Variants in OGG1 observed in about 807,000 individuals in gnomAD.
OGG1 encodes the protein N-glycosylase/DNA lyase.
In OGG1, 35 loss-of-function variants were observed where a neutral mutation model predicts 42.3. The ratio of observed to expected loss-of-function variants is 0.83; its 90% confidence interval spans 0.63 to 1.10. The LOEUF (loss-of-function observed/expected upper bound fraction) is 1.10. Ranked by LOEUF, OGG1 falls within the 50% of genes least tolerant of loss-of-function variation. The pLI, the probability that OGG1 is intolerant of heterozygous loss-of-function variation, is 0.00. For synonymous variants in OGG1, 189 were observed against 179.0 expected, an observed-to-expected ratio of 1.06 and a Z score of -0.44; for missense variants, 484 against 446.7, an observed-to-expected ratio of 1.08 and a Z score of -0.75.
chr3:9,762,536 C>T (rs934786076), intron 7 of OGG1, among the ~76,000 whole-genome samples: 9 of 152,186 alleles, frequency 5.9e-5, no homozygotes, highest in East Asian at 1.9e-4. Context: ...GCCACCACGC[C>T]GGGCTAATTT....
intron 3 of OGG1, among the ~76,000 whole-genome samples, chr3:9,782,955 C>T (rs1483632778): frequency 6.6e-6 from 1 of 152,202 alleles, no homozygotes; most frequent in African/African-American, 2.4e-5. Flanking sequence ...CTCAAGATGT[C>T]ACCTATACCC....
rs773322354 is a variant in OGG1, at chr3:9,784,021, C to T, written c.382+2421C>T. ...CCCCCGGGACTGTGCATCCTGCTAA[C>T]GCTCACCTCAGCAGGTCGTGCTTCT... is the stretch of plus-strand genomic sequence containing the variant. On this transcript the variant is annotated intron_variant, in intron 3 of 3. Transcript: ENST00000426518. The T allele has an allele frequency of 3.1e-6, 5 of 1,612,250 alleles. No homozygotes were observed. In the South Asian group the frequency reaches 4.4e-5, roughly 14 times the overall value.
intron 3 of OGG1, chr3:9,786,948 G>A: frequency 6.2e-6 from 9 of 1,458,312 alleles, no homozygotes; most frequent in Admixed American, 3.6e-5. Flanking sequence ...TAAAAAATAA[G>A]CATAACACAT....
downstream of OGG1, chr3:9,758,785 A>T (rs1050985729): frequency 2.4e-5 from 6 of 249,312 alleles, no homozygotes; most frequent in Non-Finnish European, 4.8e-5. Flanking sequence ...ACGCACCACC[A>T]TGTGTGGCTA....
chr3:9,752,022 C>CA, intron 3 of OGG1, 73 bp downstream of exon 3: 1 of 1,419,052 alleles, frequency 7.0e-7, no homozygotes, highest in Non-Finnish European at 9.9e-7. Flanking sequence ...CCCTGGTTAC[C>CA]TTCTCAAGGC....
chr3:9,775,160 A>T (rs2078349325), intron 2 of OGG1, among the ~76,000 whole-genome samples: 1 of 152,018 alleles, frequency 6.6e-6, no homozygotes, highest in African/African-American at 2.4e-5. Flanking sequence ...GAATCACTTG[A>T]ACCTGGGAGG....
chr3:9,773,002 G>A (rs1184319917), intron 2 of OGG1, among the ~76,000 whole-genome samples: 1 of 152,018 alleles, frequency 6.6e-6, no homozygotes, highest in Non-Finnish European at 1.5e-5. Flanking sequence ...GCCAAGGTGG[G>A]CAGATCATCT....
downstream of OGG1, among the ~76,000 whole-genome samples, chr3:9,789,262 G>A (rs954624782): frequency 6.6e-6 from 1 of 152,236 alleles, no homozygotes; most frequent in Admixed American, 6.5e-5. Context: ...TGGGGATAAA[G>A]GAACATGGGC....
In OGG1 at chr3:9,757,140, C is replaced by T. The variant is rs768769791; in HGVS notation, c.1028C>T (p.Pro343Leu). The change falls in exon 7 of 7, where the codon CCG becomes CTG. Residue 343 changes from proline (P) to leucine (L), a missense_variant. Transcript: ENST00000344629. This position sits in a 1 kb window ranked among gnomAD's most constrained non-coding sequence, Gnocchi z 4.5. ...AAGCGCAGAAAGGGTTCCAAAGGGC[C>T]GGAAGGCTAGATGGGGCACCCTGGA... ...PAKRRKGSKG[P>L]EG 12 of 1,614,122 alleles carry T rather than the reference C, an allele frequency of 7.4e-6. No individual in the cohort carries two copies. Among genetic ancestry groups the T allele is most frequent in the Middle Eastern group, 1.6e-4 (1 of 6,062 alleles).
intron 7 of OGG1, among the ~76,000 whole-genome samples, chr3:9,764,812 A>G (rs546704114): frequency 6.6e-6 from 1 of 151,566 alleles, no homozygotes; most frequent in Admixed American, 6.6e-5. Context: ...TTGTATTTTT[A>G]GTAGAGACAG....
At chr3:9,761,823 C>T (rs973320104), downstream of OGG1, 45 of 1,586,162 alleles carry the variant, frequency 2.8e-5, no homozygotes, top group Middle Eastern at 3.6e-4. Flanking sequence ...AACCTTCTGC[C>T]GCTCCAAGCA....
At chr3:9,777,006 A>G (rs144633162) in intron 2 of OGG1, among the ~76,000 whole-genome samples, 2 of 152,320 alleles carry the variant, frequency 1.3e-5, no homozygotes, top group East Asian at 1.9e-4. Context: ...CCACATTTCC[A>G]CAAAGCTCCT....
intron 1 of OGG1, 116 bp from the exon 2 acceptor site, chr3:9,750,829 G>A (rs999702176): frequency 7.4e-5 from 93 of 1,249,942 alleles, no homozygotes; most frequent in Admixed American, 1.1e-4. Context: ...CAGACTGGAA[G>A]ATAGCACTGT....
intron 3 of OGG1, 102 bp downstream of exon 3, chr3:9,752,051 C>G (rs1000976608): frequency 3.5e-6 from 4 of 1,150,372 alleles, no homozygotes; most frequent in Non-Finnish European, 5.1e-6. Flanking sequence ...TTCCCAAACA[C>G]TTCCCCTATC....
chr3:9,785,657 A>G (rs2078590206), intron 3 of OGG1, among the ~76,000 whole-genome samples: 1 of 152,210 alleles, frequency 6.6e-6, no homozygotes, highest in African/African-American at 2.4e-5. Flanking sequence ...AATGATTAAC[A>G]CTCAATGATG....
At chr3:9,758,910 G>T, downstream of OGG1, 1 of 405,996 alleles carries the variant, frequency 2.5e-6, no homozygotes, top group Non-Finnish European at 4.7e-6. Context: ...GATTACAGGC[G>T]TGAGCCACCA....
At chr3:9,750,503 G>A in intron 1 of OGG1, 80 bp downstream of exon 1, 1 of 1,587,492 alleles carries the variant, frequency 6.3e-7, no homozygotes, top group Non-Finnish European at 8.6e-7. Context: ...GGGTACAAAG[G>A]AATTTGGGGG....
downstream of OGG1, among the ~76,000 whole-genome samples, chr3:9,790,924 G>C (rs1042126957): frequency 2.0e-5 from 3 of 152,056 alleles, no homozygotes; most frequent in African/African-American, 7.2e-5. Flanking sequence ...ACATCACCTG[G>C]TATGTACTTG....
chr3:9,760,867 A>G, downstream of OGG1: 1 of 1,546,346 alleles, frequency 6.5e-7, no homozygotes, highest in South Asian at 1.2e-5. Context: ...GGAGCCATGG[A>G]AGGAGTTCCC....
Sources: gnomAD v4.1 joint callset for allele counts (sites outside exome capture counted in the v4.1 genomes callset) on GRCh38, gnomAD v4.1.1 for gene constraint, Gnocchi (gnomAD v3.1) non-coding constraint, MANE v1.5 for transcripts, NCBI Gene and HGNC (gene_info 2026-07-23, HGNC 2026-07-21) for gene names.